Variants in MINPP1 observed in about 807,000 individuals in gnomAD.
MINPP1 encodes the protein multiple inositol polyphosphate phosphatase 1.
MINPP1 carries 28 observed loss-of-function variants against 46.1 expected under a neutral mutation model. The ratio of observed to expected loss-of-function variants is 0.61; its 90% CI spans 0.45 to 0.83. The LOEUF (loss-of-function observed/expected upper bound fraction) is 0.83. MINPP1 is among the 40% of genes least tolerant of loss of function. MINPP1 has a pLI of 0.00. For missense variants in MINPP1, 603 were observed against 610.0 expected (o/e 0.99, Z 0.12); for synonymous variants, 268 against 249.1 (o/e 1.08, Z -0.72).
rs570855661 is a variant in MINPP1, at chr10:87,546,763, C to CA, written c.1068-5310dup. On this transcript the variant is annotated intron_variant, in intron 4 of 4. Coordinates refer to ENST00000371996, the MANE Select transcript of MINPP1 (RefSeq NM_004897.5). ...GCAACAAGCTAAGACCCCGTTTCTA[C>CA]AAAAAAAAACTTTAAAATGAGTTGG... The CA allele has an allele frequency of 8.9e-3, 1,347 of 150,990 alleles. 15 individuals carry two copies. The highest frequency in any genetic ancestry group is 0.031 in the African/African-American group (1,269 of 41,160). The allele number at this position is 150,990 out of a possible 1,614,324, so 9.4% of individuals were successfully genotyped here.
intron 3 of MINPP1, among the ~76,000 whole-genome samples, chr10:87,515,862 T>C (rs979881647): frequency 7.2e-6 from 1 of 138,942 alleles, no homozygotes; most frequent in Non-Finnish European, 1.5e-5. Flanking sequence ...AGAGTCTTCC[T>C]CTGTCGCCCA....
In MINPP1 at chr10:87,517,707, A is replaced by G. The variant is rs114704902; in HGVS notation, c.934-3329A>G. Among the ~76,000 whole-genome samples, 1,484 of 152,224 alleles carry G rather than the reference A, an allele frequency of 9.7e-3. 25 individuals carry two copies. Among genetic ancestry groups the G allele is most frequent in the African/African-American group, 0.034 (1,399 of 41,526 alleles). ...CTTGTTGCTATGAACATTATTGTAT[A>G]TGTTTATTGGGGTACAGGTATACCT... On this transcript the variant is annotated intron_variant, in intron 3 of 4. Transcript: ENST00000371996.
At chr10:87,533,380 T>C (rs1851687364) in intron 4 of MINPP1, among the ~76,000 whole-genome samples, 1 of 152,100 alleles carries the variant, frequency 6.6e-6, no homozygotes, top group South Asian at 2.1e-4. Context: ...ACCATCACTA[T>C]AGTAATGGGA....
At chr10:87,518,294 G>A (rs1352697349) in intron 3 of MINPP1, among the ~76,000 whole-genome samples, 1 of 151,520 alleles carries the variant, frequency 6.6e-6, no homozygotes, top group Non-Finnish European at 1.5e-5. Context: ...TTAGTGGTAA[G>A]CATGTGAGAA....
chr10:87,510,002 A>G (rs1851312329), intron 2 of MINPP1, among the ~76,000 whole-genome samples: 1 of 152,246 alleles, frequency 6.6e-6, no homozygotes, highest in Non-Finnish European at 1.5e-5. Context: ...TATTAAGTAT[A>G]GTGGTTAAAA....
chr10:87,505,065 G>C lies in MINPP1; in HGVS notation c.150G>C (p.Lys50Asn). 1 of 1,613,574 alleles carries C rather than the reference G, an allele frequency of 6.2e-7. No individual in the cohort carries two copies. The highest frequency in any genetic ancestry group is 8.5e-7 in the Non-Finnish European group (1 of 1,179,932). ...ASSLSPYFGT[K>N]TRYEDVNPVL... ...CGCTCAGCCCCTATTTCGGCACCAA[G>C]ACTCGCTACGAGGATGTCAACCCCG... Residue 50 changes from lysine (K) to asparagine (N), a missense_variant, in exon 1 of 5, where the codon AAG becomes AAC. Around this residue, in one of 3 missense-constraint regions of MINPP1, gnomAD observed 239 missense variants for 189.4 expected, o/e 1.26. Coordinates refer to ENST00000371996, the MANE Select transcript of MINPP1 (RefSeq NM_004897.5). This position sits in a 1 kb window ranked among gnomAD's most constrained non-coding sequence, Gnocchi z 4.4.
intron 4 of MINPP1, among the ~76,000 whole-genome samples, chr10:87,543,367 T>A (rs1851843099): frequency 6.6e-6 from 1 of 152,126 alleles, no homozygotes; most frequent in Non-Finnish European, 1.5e-5. Flanking sequence ...AAAGAGGTTA[T>A]CATGGCCAGG....
chr10:87,530,185 A>T (rs1851637260), intron 4 of MINPP1, among the ~76,000 whole-genome samples: 1 of 151,800 alleles, frequency 6.6e-6, no homozygotes, highest in South Asian at 2.1e-4. Flanking sequence ...TGTTATTACC[A>T]ATCGTCTGAA....
At chr10:87,523,167 T>C (rs1223512457) in intron 4 of MINPP1, among the ~76,000 whole-genome samples, 1 of 152,202 alleles carries the variant, frequency 6.6e-6, no homozygotes, top group South Asian at 2.1e-4. Context: ...CTCCTGGTAA[T>C]GTTGATATTT....
intron 4 of MINPP1, among the ~76,000 whole-genome samples, chr10:87,542,566 C>A (rs1040207387): frequency 2.0e-5 from 3 of 152,152 alleles, no homozygotes; most frequent in Non-Finnish European, 4.4e-5. Context: ...TCCCAAAGTG[C>A]TAGGATTACA....
intron 4 of MINPP1, among the ~76,000 whole-genome samples, chr10:87,526,126 A>G (rs1394734780): frequency 1.3e-5 from 2 of 152,336 alleles, no homozygotes; most frequent in African/African-American, 4.8e-5. Context: ...TTGAGGAATC[A>G]CCACACTGTC....
At position 87,551,536 on chromosome 10, in the gene MINPP1, A is replaced by G. The variant is rs186047988; in HGVS notation, c.1068-546A>G. Among the ~76,000 whole-genome samples, 9 of 152,224 alleles carry G rather than the reference A, an allele frequency of 5.9e-5. 1 individual carries two copies. The East Asian group carries it at 1.5e-3, about 26-fold the overall frequency. ...CCAGAGACACATTGTTTCAGCCACA[A>G]TAGGTTACATCACTAACCTTTTTTG... On this transcript the variant is annotated intron_variant, in intron 4 of 4. Coordinates refer to ENST00000371996, the MANE Select transcript of MINPP1 (RefSeq NM_004897.5).
intron 4 of MINPP1, among the ~76,000 whole-genome samples, chr10:87,529,335 A>C (rs1197457643): frequency 6.6e-6 from 1 of 152,156 alleles, no homozygotes; most frequent in Admixed American, 6.5e-5. Flanking sequence ...TTGTTTTTGC[A>C]GTGGCTGGTA....
chr10:87,518,217 C>T (rs1851442171), intron 3 of MINPP1, among the ~76,000 whole-genome samples: 1 of 151,846 alleles, frequency 6.6e-6, no homozygotes, highest in South Asian at 2.1e-4. Context: ...TCTCAGCCTC[C>T]CAAAGTGCTG....
At chr10:87,521,305 GA>G in intron 4 of MINPP1, 136 bp downstream of exon 4, 1 of 652,946 alleles carries the variant, frequency 1.5e-6, no homozygotes. Flanking sequence ...TGATACAAAA[GA>G]ATTCGATAAC....
At chr10:87,506,407 A>G (rs1324722218) in intron 1 of MINPP1, among the ~76,000 whole-genome samples, 1 of 152,096 alleles carries the variant, frequency 6.6e-6, no homozygotes, top group African/African-American at 2.4e-5. Context: ...GATAGCATAC[A>G]CCTCATGCCT....
chr10:87,521,823 T>C (rs1400013849), intron 4 of MINPP1, among the ~76,000 whole-genome samples: 1 of 152,200 alleles, frequency 6.6e-6, no homozygotes, highest in Admixed American at 6.5e-5. Context: ...GAAAAAGCTT[T>C]TGTTAACATT....
chr10:87,548,430 G>A (rs1189472631), intron 4 of MINPP1, among the ~76,000 whole-genome samples: 6 of 152,066 alleles, frequency 3.9e-5, no homozygotes, highest in Admixed American at 3.3e-4. Flanking sequence ...CTTTTGAAAA[G>A]TCTCTTCTTT....
At chr10:87,539,759 C>T (rs1851787146) in intron 4 of MINPP1, among the ~76,000 whole-genome samples, 1 of 152,172 alleles carries the variant, frequency 6.6e-6, no homozygotes, top group South Asian at 2.1e-4. Flanking sequence ...TTCTTAGATT[C>T]TCAGATGGTT....
Sources: allele counts gnomAD v4.1 joint callset (sites outside exome capture counted in the v4.1 genomes callset), GRCh38; gene constraint gnomAD v4.1.1; regional missense constraint gnomAD v4.1.1; non-coding constraint Gnocchi (gnomAD v3.1); transcripts MANE v1.5; gene names NCBI Gene and HGNC (gene_info 2026-07-23, HGNC 2026-07-21).